Variants in FSHR observed in about 807,000 individuals in gnomAD.
The protein encoded by FSHR is follicle stimulating hormone receptor.
Under a neutral mutation model 52.1 loss-of-function variants are expected in FSHR, and 46 were observed. The observed-to-expected ratio is 0.88, with a 90% CI of 0.70 to 1.13. The LOEUF (loss-of-function observed/expected upper bound fraction) is 1.13, where lower values mean the gene tolerates loss of function less well. Ranked by LOEUF, FSHR falls within the 50% of genes most tolerant of loss-of-function variation. The pLI, the probability that FSHR is intolerant of heterozygous loss-of-function variation, is 0.00. For missense variants in FSHR, 964 were observed against 834.6 expected, an observed-to-expected ratio of 1.16 and a Z score of -1.91; for synonymous variants, 399 against 309.6, an observed-to-expected ratio of 1.29 and a Z score of -3.03.
intron 4 of FSHR, among the ~76,000 whole-genome samples, chr2:48,992,590 T>A (rs1327768137): frequency 6.6e-6 from 1 of 152,126 alleles, no homozygotes; most frequent in Non-Finnish European, 1.5e-5. Flanking sequence ...TCACCTGATT[T>A]TTGGTTCTCA....
At chr2:49,031,152 C>T (rs1420107414) in intron 2 of FSHR, among the ~76,000 whole-genome samples, 3 of 152,082 alleles carry the variant, frequency 2.0e-5, no homozygotes, top group Non-Finnish European at 4.4e-5. Context: ...GCAACACAAA[C>T]AGTGGAATGG....
chr2:49,117,312 C>T (rs778833042), intron 1 of FSHR, among the ~76,000 whole-genome samples: 3 of 152,156 alleles, frequency 2.0e-5, no homozygotes, highest in Non-Finnish European at 4.4e-5. Context: ...GGTATGTCAT[C>T]GGTGTCATTA....
chr2:49,093,662 G>A (rs538999657), intron 1 of FSHR, among the ~76,000 whole-genome samples: 164 of 143,808 alleles, frequency 1.1e-3, no homozygotes, highest in African/African-American at 4.1e-3. Flanking sequence ...TGGTACGATC[G>A]CAGCTCGCTG....
At chr2:49,027,124 G>A (rs1043041978) in intron 2 of FSHR, among the ~76,000 whole-genome samples, 1 of 152,110 alleles carries the variant, frequency 6.6e-6, no homozygotes, top group South Asian at 2.1e-4. Context: ...TAATTCTGCT[G>A]CCATCTCCAA....
chr2:49,010,664 CTT>C (rs573985844), intron 4 of FSHR, among the ~76,000 whole-genome samples: 5,524 of 151,046 alleles, frequency 0.037, 278 homozygotes, highest in African/African-American at 0.12. Context: ...GTCCTGGACT[CTT>C]TTTGGTTGGT....
chr2:49,078,882 AAG>A (rs1182579801), intron 1 of FSHR, among the ~76,000 whole-genome samples: 1 of 152,178 alleles, frequency 6.6e-6, no homozygotes, highest in African/African-American at 2.4e-5. Context: ...AGAATAGAGA[AAG>A]AAAAAGATAC....
intron 2 of FSHR, among the ~76,000 whole-genome samples, chr2:49,031,748 A>T (rs1668109878): frequency 6.6e-6 from 1 of 152,188 alleles, no homozygotes; most frequent in African/African-American, 2.4e-5. Context: ...TGAAGCTGGC[A>T]AAGTTATTTA....
intron 1 of FSHR, among the ~76,000 whole-genome samples, chr2:49,136,122 G>C (rs1672479733): frequency 6.6e-6 from 1 of 151,972 alleles, no homozygotes; most frequent in African/African-American, 2.4e-5. Flanking sequence ...ACTTTAGATA[G>C]AATGACCAAG....
Position 48,963,739 on chromosome 2 carries a change from C to T in FSHR, c.1082G>A (p.Gly361Glu), listed in dbSNP as rs1559069804. Residue 361 changes from glycine to glutamate, a missense_variant, in exon 10 of 10, where the codon GGG becomes GAG. Transcript: ENST00000406846. The part of the protein sequence containing the change: ...DAFNPCEDIM[G>E]YNILRVLIWF... ...TATCAGGACTCTGAGGATGTTGTAC[C>T]CCATGATATCTTCACATGGGTTGAA... 2 of 1,614,098 alleles carry T rather than the reference C, an allele frequency of 1.2e-6. No homozygotes were observed. Among genetic ancestry groups the T allele is most frequent in the African/African-American group, 1.3e-5 (1 of 75,026 alleles).
At chr2:49,111,508 G>A (rs1671420830) in intron 1 of FSHR, among the ~76,000 whole-genome samples, 1 of 152,094 alleles carries the variant, frequency 6.6e-6, no homozygotes, top group Admixed American at 6.6e-5. Flanking sequence ...TCTCTCTAAG[G>A]GGAAAGAGCA....
intron 1 of FSHR, among the ~76,000 whole-genome samples, chr2:49,145,176 C>T (rs1572807205): frequency 6.6e-6 from 1 of 152,130 alleles, no homozygotes; most frequent in Non-Finnish European, 1.5e-5. Context: ...GAAAACAATG[C>T]AGCCTACGTT....
chr2:48,971,502 T>C (rs1396987291), intron 8 of FSHR, among the ~76,000 whole-genome samples: 4 of 152,208 alleles, frequency 2.6e-5, no homozygotes, highest in Non-Finnish European at 5.9e-5. Context: ...ATCTCTGGAC[T>C]ACTGATCCCC....
intron 8 of FSHR, among the ~76,000 whole-genome samples, chr2:48,982,310 A>G (rs1275233000): frequency 6.6e-6 from 1 of 152,310 alleles, no homozygotes; most frequent in East Asian, 1.9e-4. Flanking sequence ...TAAGGAAATG[A>G]CAAGAGGGAG....
intron 2 of FSHR, among the ~76,000 whole-genome samples, chr2:49,054,543 T>G (rs930763537): frequency 1.3e-5 from 2 of 152,058 alleles, no homozygotes; most frequent in Non-Finnish European, 2.9e-5. Context: ...TAGCCCCAGG[T>G]AGACATGCTT....
At chr2:49,059,733 A>G (rs942009736) in intron 2 of FSHR, 1 of 152,240 alleles carries the variant, frequency 6.6e-6, no homozygotes, top group Non-Finnish European at 1.5e-5. Context: ...TCAAATTCCT[A>G]AATATACGTC....
chr2:49,049,559 G>T (rs565577835), intron 2 of FSHR, among the ~76,000 whole-genome samples: 121 of 152,172 alleles, frequency 8.0e-4, no homozygotes, highest in African/African-American at 2.8e-3. Flanking sequence ...GCATATCTGT[G>T]CTCTACCAAG....
At chr2:49,115,191 T>C (rs1023425099) in intron 1 of FSHR, among the ~76,000 whole-genome samples, 2 of 151,052 alleles carry the variant, frequency 1.3e-5, no homozygotes, top group Non-Finnish European at 2.9e-5. Flanking sequence ...CCAGGCCACC[T>C]GGAGGCACCG....
At chr2:49,015,817 T>C (rs371780672) in intron 4 of FSHR, among the ~76,000 whole-genome samples, 1 of 152,158 alleles carries the variant, frequency 6.6e-6, no homozygotes, top group East Asian at 1.9e-4. Flanking sequence ...ATGCAGAGCC[T>C]CTTGTTTAAG....
At chr2:48,992,972 C>G (rs923924494) in intron 4 of FSHR, among the ~76,000 whole-genome samples, 1 of 152,150 alleles carries the variant, frequency 6.6e-6, no homozygotes, top group Non-Finnish European at 1.5e-5. Flanking sequence ...TATTAGGCCT[C>G]TCTGGATCAT....
Sources: gnomAD v4.1 joint callset for allele counts (sites outside exome capture counted in the v4.1 genomes callset) on GRCh38, gnomAD v4.1.1 for gene constraint, MANE v1.5 for transcripts, NCBI Gene and HGNC (gene_info 2026-07-23, HGNC 2026-07-21) for gene names.